XPR1: variants seen among roughly 807,000 people sequenced by gnomAD.
XPR1 encodes the protein solute carrier family 53 member 1.
XPR1 carries 28 observed loss-of-function variants against 87.5 expected under a neutral mutation model. That is an observed-to-expected ratio of 0.32 (90% CI 0.24 to 0.44). The LOEUF (loss-of-function observed/expected upper bound fraction) is 0.44. XPR1 is among the 20% of genes least tolerant of loss of function. The pLI is 1.00. For synonymous variants in XPR1, 300 were observed against 306.1 expected, an observed-to-expected ratio of 0.98 and a Z score of 0.21; for missense variants, 559 against 862.3, an observed-to-expected ratio of 0.65 and a Z score of 4.41.
chr1:180,692,567 G>T (rs944361694), intron 2 of XPR1, among the ~76,000 whole-genome samples: 4 of 152,044 alleles, frequency 2.6e-5, no homozygotes, highest in African/African-American at 9.7e-5. Flanking sequence ...ATATTCATTT[G>T]TATTATGAAA....
intron 2 of XPR1, among the ~76,000 whole-genome samples, chr1:180,716,618 C>A (rs73034844): frequency 6.6e-6 from 1 of 152,080 alleles, no homozygotes; most frequent in Non-Finnish European, 1.5e-5. Flanking sequence ...TTGGCTCTTA[C>A]CATCAGCCCT....
chr1:180,881,398 C>T (rs1402553974), intron 14 of XPR1, among the ~76,000 whole-genome samples: 3 of 152,140 alleles, frequency 2.0e-5, no homozygotes, highest in East Asian at 1.9e-4. Context: ...CTCCTGACCT[C>T]GTGATCCGCC....
At chr1:180,778,428 A>G (rs866300957) in intron 2 of XPR1, among the ~76,000 whole-genome samples, 3 of 152,354 alleles carry the variant, frequency 2.0e-5, no homozygotes, top group African/African-American at 2.4e-5. Context: ...ATAACAGTGT[A>G]TATTAGCATA....
At chr1:180,741,307 A>G in intron 2 of XPR1, among the ~76,000 whole-genome samples, 1 of 151,628 alleles carries the variant, frequency 6.6e-6, no homozygotes, top group Admixed American at 6.6e-5. Context: ...GGGATTATAG[A>G]TGCCTGCCAC....
chr1:180,785,843 A>G (rs1649117725), intron 2 of XPR1, among the ~76,000 whole-genome samples: 1 of 151,808 alleles, frequency 6.6e-6, no homozygotes, highest in Non-Finnish European at 1.5e-5. Context: ...AATTAAGTAG[A>G]ATAAGCTGTT....
intron 2 of XPR1, among the ~76,000 whole-genome samples, chr1:180,735,239 T>G (rs1276307996): frequency 6.6e-6 from 1 of 152,236 alleles, no homozygotes; most frequent in Non-Finnish European, 1.5e-5. Flanking sequence ...CAGATTTGAG[T>G]ATTCCATTAT....
intron 2 of XPR1, among the ~76,000 whole-genome samples, chr1:180,696,281 T>C (rs897112958): frequency 5.3e-5 from 8 of 150,612 alleles, no homozygotes; most frequent in Admixed American, 4.0e-4. Flanking sequence ...TCATTATTGG[T>C]GTATAGAAAC....
Position 180,873,785 on chromosome 1 carries a change from T to G in XPR1, c.1669-18T>G, listed in dbSNP as rs1230655116. ...AAATGTGATAGAAAACATACTCAAT[T>G]TCTTTATTATTTCTCAGGCCTACTA... On this transcript the variant is annotated intron_variant, in intron 12 of 14. Coordinates refer to ENST00000367590, the MANE Select transcript of XPR1 (RefSeq NM_004736.4). The G allele has an allele frequency of 3.1e-6, 5 of 1,610,430 alleles. No individual in the cohort carries two copies. The highest frequency in any genetic ancestry group is 1.7e-5 in the Admixed American group (1 of 59,482).
At chr1:180,793,291 G>T (rs1649453842) in intron 3 of XPR1, among the ~76,000 whole-genome samples, 1 of 152,016 alleles carries the variant, frequency 6.6e-6, no homozygotes, top group Non-Finnish European at 1.5e-5. Flanking sequence ...ATGTCTTGCT[G>T]TATGTTTTTA....
chr1:180,785,011 T>TTGTGTG (rs1186269708), intron 2 of XPR1, among the ~76,000 whole-genome samples: 31,577 of 136,222 alleles, frequency 0.23, 3,897 homozygotes, highest in South Asian at 0.33. Flanking sequence ...GTGTGTGTGT[T>TTGTGTG]TGTGTGTGTG....
At chr1:180,829,244 T>C (rs923551749) in intron 9 of XPR1, among the ~76,000 whole-genome samples, 1 of 152,200 alleles carries the variant, frequency 6.6e-6, no homozygotes, top group Non-Finnish European at 1.5e-5. Context: ...ACATGTTCTT[T>C]GTAATAATTT....
At chr1:180,877,013 T>A (rs1341519297) in intron 13 of XPR1, among the ~76,000 whole-genome samples, 3 of 152,250 alleles carry the variant, frequency 2.0e-5, no homozygotes, top group Non-Finnish European at 4.4e-5. Flanking sequence ...CAGTTCTGAA[T>A]ACATGGTCAA....
At chr1:180,862,002 A>C (rs1368124524) in intron 11 of XPR1, among the ~76,000 whole-genome samples, 3 of 152,078 alleles carry the variant, frequency 2.0e-5, no homozygotes, top group Non-Finnish European at 4.4e-5. Context: ...AAAAGTAATG[A>C]ATTTTGAGTA....
rs190483387 is a variant in XPR1 at position 180,887,445 on chromosome 1, A to C, written c.*3379A>C. The C allele has an allele frequency of 6.6e-6, 1 of 152,378 alleles. No homozygotes were observed. The highest frequency in any genetic ancestry group is 2.4e-5 in the African/African-American group (1 of 41,582). The allele number at this position is 152,378 out of a possible 1,614,324, so 9.4% of individuals were successfully genotyped here. ...AAGAGTGGTTTACTGTCTATGCACA[A>C]ATGAGTGCCTATATTTAAGGCTGCC... On this transcript the variant is annotated 3_prime_UTR_variant, in exon 15 of 15. Transcript: ENST00000367590.
At chr1:180,721,271 T>C (rs987685917) in intron 2 of XPR1, among the ~76,000 whole-genome samples, 1 of 152,098 alleles carries the variant, frequency 6.6e-6, no homozygotes. Context: ...TACACTGACA[T>C]TGGTGAAATC....
chr1:180,719,994 T>C (rs17373501), intron 2 of XPR1, among the ~76,000 whole-genome samples: 8,120 of 152,258 alleles, frequency 0.053, 311 homozygotes, highest in Non-Finnish European at 0.079. Context: ...TTAATGAATA[T>C]TGATGTGTTT....
intron 11 of XPR1, among the ~76,000 whole-genome samples, chr1:180,855,001 C>T (rs1029001671): frequency 1.3e-5 from 2 of 152,170 alleles, no homozygotes; most frequent in Admixed American, 6.5e-5. Flanking sequence ...ATGAGTGAAA[C>T]ATAGCCTCAA....
chr1:180,776,694 T>TA (rs1431884846), intron 2 of XPR1, among the ~76,000 whole-genome samples: 6 of 152,272 alleles, frequency 3.9e-5, no homozygotes, highest in Admixed American at 3.9e-4. Context: ...ACTAATGAAT[T>TA]ATGCCCTTGT....
chr1:180,822,782 TA>T (rs146736958), intron 7 of XPR1, among the ~76,000 whole-genome samples: 3 of 151,506 alleles, frequency 2.0e-5, no homozygotes, highest in Non-Finnish European at 2.9e-5. Flanking sequence ...ACAGAGACTT[TA>T]AAAAAAAATA....
Sources: allele counts gnomAD v4.1 joint callset (sites outside exome capture counted in the v4.1 genomes callset), GRCh38; gene constraint gnomAD v4.1.1; transcripts MANE v1.5; gene names NCBI Gene and HGNC (gene_info 2026-07-23, HGNC 2026-07-21).